FGF12: variants seen among roughly 807,000 people sequenced by gnomAD.
FGF12 encodes fibroblast growth factor 12.
FGF12 carries 14 observed loss-of-function variants against 23.6 expected under a neutral mutation model. That is an observed-to-expected ratio of 0.59 (90% CI 0.39 to 0.93). The LOEUF (loss-of-function observed/expected upper bound fraction) is 0.93. Among genes scored for constraint, FGF12 ranks in the 40% least tolerant of loss-of-function variants. The probability of loss-of-function intolerance (pLI) is 0.00; values close to 1 mark genes in which losing one functional copy is unlikely to be tolerated. For synonymous variants in FGF12, 62 were observed against 77.3 expected, an observed-to-expected ratio of 0.80 and a Z score of 1.04; for missense variants, 175 against 217.8, an observed-to-expected ratio of 0.80 and a Z score of 1.24.
intron 4 of FGF12, among the ~76,000 whole-genome samples, chr3:192,235,188 G>C (rs1719222576): frequency 6.6e-6 from 1 of 152,040 alleles, no homozygotes; most frequent in African/African-American, 2.4e-5. Context: ...TTTTTAGTTT[G>C]TATGTTGTTT....
intron 2 of FGF12, among the ~76,000 whole-genome samples, chr3:192,512,840 AT>A (rs1560135289): frequency 1.2e-4 from 14 of 119,126 alleles, no homozygotes; most frequent in Middle Eastern, 4.6e-3. Context: ...AAATAAATAT[AT>A]ATATATATAT....
intron 4 of FGF12, among the ~76,000 whole-genome samples, chr3:192,312,848 T>C (rs1416659289): frequency 6.6e-6 from 1 of 152,150 alleles, no homozygotes; most frequent in Non-Finnish European, 1.5e-5. Context: ...TTTATTATAG[T>C]ATTAACGTAT....
intron 4 of FGF12, among the ~76,000 whole-genome samples, chr3:192,295,897 T>G (rs541292179): frequency 1.3e-5 from 2 of 151,924 alleles, no homozygotes; most frequent in South Asian, 4.2e-4. Flanking sequence ...ATTTTATTTT[T>G]TTTGAGACAA....
intron 4 of FGF12, among the ~76,000 whole-genome samples, chr3:192,270,762 T>C (rs545358470): frequency 4.8e-5 from 7 of 144,494 alleles, no homozygotes; most frequent in African/African-American, 1.5e-4. Flanking sequence ...GTAAGACAGA[T>C]GAATGGATGG....
intron 3 of FGF12, among the ~76,000 whole-genome samples, chr3:192,348,767 T>G (rs896308173): frequency 6.6e-6 from 1 of 152,164 alleles, no homozygotes; most frequent in East Asian, 1.9e-4. Flanking sequence ...GGTCTATTAT[T>G]TAATATCTTT....
chr3:192,410,378 A>T (rs959461344), intron 2 of FGF12, among the ~76,000 whole-genome samples: 6 of 152,244 alleles, frequency 3.9e-5, no homozygotes, highest in Admixed American at 1.3e-4. Context: ...AGGCAGAGCG[A>T]GGGAACTGCA....
intron 2 of FGF12, among the ~76,000 whole-genome samples, chr3:192,441,629 T>C (rs1053238841): frequency 2.6e-5 from 4 of 152,230 alleles, no homozygotes; most frequent in Non-Finnish European, 5.9e-5. Flanking sequence ...CTCCTTCAAA[T>C]GAGAAACGTC....
chr3:192,213,316 G>T (rs921955218), intron 4 of FGF12, among the ~76,000 whole-genome samples: 1 of 152,040 alleles, frequency 6.6e-6, no homozygotes, highest in South Asian at 2.1e-4. Context: ...AGTCAGTAGG[G>T]AGCTCTGGAT....
chr3:192,647,799 G>A (rs976096957), intron 2 of FGF12, among the ~76,000 whole-genome samples: 1 of 149,826 alleles, frequency 6.7e-6, no homozygotes, highest in Non-Finnish European at 1.5e-5. Context: ...AATATATGAT[G>A]GAGATTCCAT....
chr3:192,695,190 C>A (rs1718075552), intron 2 of FGF12, among the ~76,000 whole-genome samples: 1 of 152,118 alleles, frequency 6.6e-6, no homozygotes, highest in South Asian at 2.1e-4. Context: ...TGATAGATTA[C>A]AAGTCATATT....
chr3:192,262,755 A>G (rs759435587), intron 4 of FGF12, among the ~76,000 whole-genome samples: 34 of 151,954 alleles, frequency 2.2e-4, no homozygotes, highest in Non-Finnish European at 4.1e-4. Flanking sequence ...TCTCACATGT[A>G]TCCCAATCAT....
intron 4 of FGF12, among the ~76,000 whole-genome samples, chr3:192,274,122 GAAAAAAT>G (rs1380183191): frequency 6.6e-6 from 1 of 151,458 alleles, no homozygotes; most frequent in Non-Finnish European, 1.5e-5. Context: ...TACTGCTAAA[GAAAAAAT>G]AAAAAGAAAT....
At chr3:192,156,473 T>C (rs1442380418) in intron 5 of FGF12, among the ~76,000 whole-genome samples, 2 of 152,220 alleles carry the variant, frequency 1.3e-5, no homozygotes, top group Non-Finnish European at 2.9e-5. Flanking sequence ...TGATTGCACT[T>C]GATACTATTT....
At chr3:192,222,647 A>G (rs1040715348) in intron 4 of FGF12, among the ~76,000 whole-genome samples, 1 of 152,270 alleles carries the variant, frequency 6.6e-6, no homozygotes. Context: ...AGGCTGTATC[A>G]ATACATGATA....
chr3:192,492,123 T>G (rs192443416), intron 2 of FGF12, among the ~76,000 whole-genome samples: 19 of 152,292 alleles, frequency 1.2e-4, no homozygotes, highest in Non-Finnish European at 2.2e-4. Context: ...GAAGAAAAAC[T>G]TTATAAAGGA....
rs538680513 is a variant in FGF12 at position 192,482,309 on chromosome 3, A to G, written c.14-121771T>C. Among the ~76,000 whole-genome samples the G allele has an allele frequency of 4.6e-5, 7 of 152,328 alleles. No homozygotes were observed. The South Asian group carries it at 1.4e-3, about 32-fold the overall frequency. ...GCTTTTACTGGAAAACTAAAAAGTCAACAGAGAAGAGAACAGGTACCGTGG... is the reference window on the plus strand; with the variant it reads ...GCTTTTACTGGAAAACTAAAAAGTCGACAGAGAAGAGAACAGGTACCGTGG... On this transcript the variant is annotated intron_variant, in intron 2 of 5. Transcript: ENST00000445105.
At chr3:192,629,106 T>C (rs1715291704) in intron 2 of FGF12, among the ~76,000 whole-genome samples, 1 of 152,214 alleles carries the variant, frequency 6.6e-6, no homozygotes, top group African/African-American at 2.4e-5. Context: ...TGACTGACTA[T>C]GAGGTTTAGA....
At chr3:192,542,404 G>C (rs1725391430) in intron 2 of FGF12, among the ~76,000 whole-genome samples, 1 of 152,074 alleles carries the variant, frequency 6.6e-6, no homozygotes, top group Admixed American at 6.5e-5. Context: ...ATCCTTCTCT[G>C]TGTTATCTTG....
intron 4 of FGF12, among the ~76,000 whole-genome samples, chr3:192,276,043 T>G (rs1418984678): frequency 6.6e-6 from 1 of 152,204 alleles, no homozygotes; most frequent in East Asian, 1.9e-4. Context: ...ATAACGTTAC[T>G]TACTTTTCTA....
Sources: allele counts gnomAD v4.1 joint callset (sites outside exome capture counted in the v4.1 genomes callset), GRCh38; gene constraint gnomAD v4.1.1; transcripts MANE v1.5; gene names NCBI Gene and HGNC (gene_info 2026-07-23, HGNC 2026-07-21).